Variants in LHFPL6 observed in about 807,000 individuals in gnomAD.
LHFPL6 encodes the protein LHFPL tetraspan subfamily member 6, also known as LHFPL tetraspan subfamily member 6 protein.
Under a neutral mutation model 20.6 loss-of-function variants are expected in LHFPL6, and 9 were observed. That is an observed-to-expected ratio of 0.44 (90% CI 0.26 to 0.76). The LOEUF (loss-of-function observed/expected upper bound fraction) is 0.76, where lower values mean the gene tolerates loss of function less well. Ranked by LOEUF, LHFPL6 falls within the 30% of genes least tolerant of loss-of-function variation. The pLI, the probability that LHFPL6 is intolerant of heterozygous loss-of-function variation, is 0.20. For missense variants in LHFPL6, 218 were observed against 253.5 expected, an observed-to-expected ratio of 0.86 and a Z score of 0.95; for synonymous variants, 105 against 98.7, an observed-to-expected ratio of 1.06 and a Z score of -0.38.
rs992917798 is a variant in LHFPL6, at chr13:39,492,921, C to G, written c.385+107911G>C. Among the ~76,000 whole-genome samples the G allele has an allele frequency of 2.6e-5, 4 of 152,004 alleles. No individual in the cohort carries two copies. In the East Asian group the frequency reaches 5.9e-4, roughly 22 times the overall value. On this transcript the variant is annotated intron_variant, in intron 2 of 3. Transcript: ENST00000379589. ...TCTTGAATTCCCGACCTCAGGTGAT[C>G]CTCCCACCTCGGCCTCCCAAAGTGC... is the stretch of plus-strand genomic sequence containing the variant.
At chr13:39,476,630 G>A (rs920911045) in intron 2 of LHFPL6, among the ~76,000 whole-genome samples, 2 of 152,150 alleles carry the variant, frequency 1.3e-5, no homozygotes, top group Non-Finnish European at 2.9e-5. Context: ...ATTTCCTCAA[G>A]CTTCCAATAT....
rs555202356 is a variant in LHFPL6 at position 39,428,009 on chromosome 13, T to C, written c.386-49483A>G. The stretch of plus-strand genomic sequence containing the variant: ...CCTTGAGCCATGATTGTAAGTTTCC[T>C]GAGGCCTCCTCAGAAGCAAAGCAGA... On this transcript the variant is annotated intron_variant, in intron 2 of 3. Coordinates refer to ENST00000379589, the MANE Select transcript of LHFPL6 (RefSeq NM_005780.3). Among the ~76,000 whole-genome samples the C allele has an allele frequency of 4.6e-5, 7 of 152,374 alleles. No individual in the cohort carries two copies. In the South Asian group the frequency reaches 1.2e-3, roughly 27 times the overall value.
intron 2 of LHFPL6, among the ~76,000 whole-genome samples, chr13:39,485,997 GAAGGAATCCAAGGCTC>G (rs1435304616): frequency 1.3e-5 from 2 of 152,134 alleles, no homozygotes; most frequent in Non-Finnish European, 2.9e-5. Context: ...ATTTTACTGA[GAAGGAATCCAAGGCTC>G]AAGGGTAAAT....
intron 3 of LHFPL6, among the ~76,000 whole-genome samples, chr13:39,361,822 T>C (rs894196626): frequency 6.6e-6 from 1 of 152,202 alleles, no homozygotes; most frequent in Non-Finnish European, 1.5e-5. Flanking sequence ...AATTTCCTAA[T>C]TTGGTAATTG....
At chr13:39,574,149 G>A (rs1185039090) in intron 2 of LHFPL6, among the ~76,000 whole-genome samples, 1 of 152,150 alleles carries the variant, frequency 6.6e-6, no homozygotes, top group Non-Finnish European at 1.5e-5. Context: ...TTTCACATCT[G>A]TGAAACAGGG....
At chr13:39,367,207 C>G (rs1870036823) in intron 3 of LHFPL6, among the ~76,000 whole-genome samples, 1 of 152,146 alleles carries the variant, frequency 6.6e-6, no homozygotes, top group African/African-American at 2.4e-5. Flanking sequence ...CAGGGGATCA[C>G]TAGAGTGAGG....
At chr13:39,598,657 G>A (rs1010634979) in intron 2 of LHFPL6, among the ~76,000 whole-genome samples, 2 of 152,070 alleles carry the variant, frequency 1.3e-5, no homozygotes, top group African/African-American at 4.8e-5. Flanking sequence ...CTGGGTTCAC[G>A]CCATTCTCCT....
intron 2 of LHFPL6, among the ~76,000 whole-genome samples, chr13:39,450,642 G>C (rs1213527270): frequency 6.6e-6 from 1 of 152,092 alleles, no homozygotes; most frequent in African/African-American, 2.4e-5. Context: ...GTACACCCAG[G>C]TGTACTAAGT....
chr13:39,469,829 T>G (rs1297241464), intron 2 of LHFPL6, among the ~76,000 whole-genome samples: 1 of 152,254 alleles, frequency 6.6e-6, no homozygotes, highest in South Asian at 2.1e-4. Flanking sequence ...AAAATGAAAA[T>G]GCAATATGCT....
At chr13:39,405,396 T>C (rs991682212) in intron 2 of LHFPL6, among the ~76,000 whole-genome samples, 7 of 152,228 alleles carry the variant, frequency 4.6e-5, no homozygotes, top group Non-Finnish European at 8.8e-5. Context: ...AAAACTGTCA[T>C]CTTTACTTAA....
At chr13:39,592,590 GA>G (rs1246502220) in intron 2 of LHFPL6, among the ~76,000 whole-genome samples, 2 of 152,112 alleles carry the variant, frequency 1.3e-5, no homozygotes, top group Admixed American at 1.3e-4. Flanking sequence ...CCAATCAATA[GA>G]AAAAGAGGGA....
intron 2 of LHFPL6, among the ~76,000 whole-genome samples, chr13:39,423,982 G>GT (rs531194641): frequency 1.5e-3 from 230 of 152,304 alleles, no homozygotes; most frequent in African/African-American, 4.9e-3. Flanking sequence ...AGGGATGGGA[G>GT]TGGCAGGAGC....
chr13:39,503,372 C>G (rs895651430), intron 2 of LHFPL6, among the ~76,000 whole-genome samples: 30 of 152,198 alleles, frequency 2.0e-4, no homozygotes, highest in African/African-American at 6.8e-4. Context: ...TCTGATCAAA[C>G]AGCAGCTCAA....
At chr13:39,392,827 T>A (rs200270755) in intron 2 of LHFPL6, among the ~76,000 whole-genome samples, 1 of 151,750 alleles carries the variant, frequency 6.6e-6, no homozygotes, top group South Asian at 2.1e-4. Context: ...TAAAGATATA[T>A]GTGTAAAATA....
intron 2 of LHFPL6, among the ~76,000 whole-genome samples, chr13:39,502,057 A>G (rs966490899): frequency 1.1e-4 from 17 of 152,146 alleles, no homozygotes; most frequent in African/African-American, 4.1e-4. Context: ...ATTCCTTATC[A>G]CTTGTTCTGA....
intron 3 of LHFPL6, among the ~76,000 whole-genome samples, chr13:39,351,366 T>G (rs1239923192): frequency 1.3e-5 from 2 of 151,704 alleles, no homozygotes; most frequent in Non-Finnish European, 2.9e-5. Flanking sequence ...GATAAGTAAC[T>G]TACCCATTAT....
At chr13:39,393,931 C>T (rs1870774005) in intron 2 of LHFPL6, among the ~76,000 whole-genome samples, 1 of 152,006 alleles carries the variant, frequency 6.6e-6, no homozygotes, top group Non-Finnish European at 1.5e-5. Flanking sequence ...TTTGTAAGTC[C>T]AAATTTCCTT....
chr13:39,497,660 A>G (rs1366814090), intron 2 of LHFPL6, among the ~76,000 whole-genome samples: 1 of 152,238 alleles, frequency 6.6e-6, no homozygotes, highest in Non-Finnish European at 1.5e-5. Context: ...ACAGGAGTCA[A>G]TAACTGATAA....
At chr13:39,524,896 T>C (rs954188633) in intron 2 of LHFPL6, among the ~76,000 whole-genome samples, 2 of 152,168 alleles carry the variant, frequency 1.3e-5, no homozygotes, top group African/African-American at 4.8e-5. Flanking sequence ...AAGTCTGGGG[T>C]ATAGGGATGA....
Sources: allele counts gnomAD v4.1 joint callset (sites outside exome capture counted in the v4.1 genomes callset), GRCh38; gene constraint gnomAD v4.1.1; transcripts MANE v1.5; gene names NCBI Gene and HGNC (gene_info 2026-07-23, HGNC 2026-07-21).